The following NEBL variants were observed in gnomAD, a reference collection of about 807,000 sequenced individuals.
The protein encoded by NEBL is nebulette.
A neutral mutation model predicts 140.2 loss-of-function variants in NEBL; 122 were observed. The ratio of observed to expected loss-of-function variants is 0.87; its 90% confidence interval spans 0.75 to 1.01. NEBL has a LOEUF of 1.01. NEBL is among the 50% of genes least tolerant of loss of function. The probability of loss-of-function intolerance (pLI) is 0.00; values close to 1 mark genes in which losing one functional copy is unlikely to be tolerated. For missense variants in NEBL, 1,365 were observed against 1,231.3 expected (o/e 1.11, Z -1.62); for synonymous variants, 436 against 398.9 (o/e 1.09, Z -1.11).
rs562047739 is a variant in NEBL, at chr10:21,063,515, C to G, written c.165-43314G>C. On this transcript the variant is annotated intron_variant, in intron 2 of 6. Transcript: ENST00000417816. ...TCCATGGAAACATGACAGAAATCAC[C>G]CAAGTTTTCTATTCACATGTAGCAA... 8.2e-4 allele frequency among the ~76,000 whole-genome samples: 125 copies of G among 152,254 alleles called. 1 individual carries two copies. The highest frequency in any genetic ancestry group is 3.4e-3 in the Middle Eastern group (1 of 294).
intron 1 of NEBL, among the ~76,000 whole-genome samples, chr10:21,282,253 C>A (rs1408930303): frequency 6.6e-6 from 1 of 152,210 alleles, no homozygotes; most frequent in African/African-American, 2.4e-5. Flanking sequence ...GATGAGCTCT[C>A]TGCGGGGGTA....
intron 4 of NEBL, among the ~76,000 whole-genome samples, chr10:20,909,034 G>T (rs943911215): frequency 1.3e-5 from 2 of 151,746 alleles, no homozygotes; most frequent in South Asian, 2.1e-4. Context: ...TACACAGTAG[G>T]TATATATATT....
At chr10:20,998,615 T>C (rs1564475027) in intron 3 of NEBL, among the ~76,000 whole-genome samples, 1 of 152,042 alleles carries the variant, frequency 6.6e-6, no homozygotes, top group Non-Finnish European at 1.5e-5. Flanking sequence ...ATCTCATACT[T>C]AACATCAGAA....
upstream of NEBL, among the ~76,000 whole-genome samples, chr10:21,175,307 G>A (rs1841272546): frequency 6.6e-6 from 1 of 152,198 alleles, no homozygotes; most frequent in African/African-American, 2.4e-5. Context: ...CCTGCTGTGA[G>A]GATTAAATGA....
At chr10:21,278,509 T>C (rs1407723044) in intron 1 of NEBL, among the ~76,000 whole-genome samples, 2 of 152,164 alleles carry the variant, frequency 1.3e-5, no homozygotes, top group African/African-American at 4.8e-5. Context: ...CCATAACTGC[T>C]AGGGCTGGGA....
intron 3 of NEBL, among the ~76,000 whole-genome samples, chr10:21,234,396 A>G (rs10828224): frequency 0.36 from 53,966 of 151,554 alleles, 11,767 homozygotes; most frequent in African/African-American, 0.62. Context: ...TCTCTCATGC[A>G]CCCTCTCTCT....
At chr10:21,256,572 T>C (rs895159440) in intron 1 of NEBL, among the ~76,000 whole-genome samples, 13 of 152,204 alleles carry the variant, frequency 8.5e-5, no homozygotes, top group Non-Finnish European at 1.5e-5. Context: ...AGCTCATGCC[T>C]GTAATCCCAG....
At chr10:21,237,843 G>A (rs955430662) in intron 3 of NEBL, among the ~76,000 whole-genome samples, 1 of 152,070 alleles carries the variant, frequency 6.6e-6, no homozygotes, top group African/African-American at 2.4e-5. Flanking sequence ...CTGACCTCAG[G>A]TGATCCACCC....
chr10:20,804,430 G>A (rs889205824), intron 26 of NEBL: 4 of 152,044 alleles, frequency 2.6e-5, no homozygotes, highest in African/African-American at 9.7e-5. Context: ...CTACACAAAG[G>A]TTCACATGAC....
chr10:21,169,594 C>A (rs927711931), intron 2 of NEBL, among the ~76,000 whole-genome samples: 1 of 152,144 alleles, frequency 6.6e-6, no homozygotes, highest in African/African-American at 2.4e-5. Context: ...AGCCCAGAAC[C>A]CTCTTAGCAG....
chr10:21,186,818 G>T (rs988766929), intron 3 of NEBL, among the ~76,000 whole-genome samples: 1 of 151,894 alleles, frequency 6.6e-6, no homozygotes, highest in Non-Finnish European at 1.5e-5. Context: ...GTAATAAAAC[G>T]TAAAAGCCAC....
At chr10:20,900,844 C>A (rs557730980), upstream of NEBL, among the ~76,000 whole-genome samples, 186 of 65,040 alleles carry the variant, frequency 2.9e-3, 1 homozygote, top group African/African-American at 7.8e-3. Context: ...GACTCCATCC[C>A]GAAAAAAAAA....
At chr10:20,889,814 C>G in intron 3 of NEBL, 31 bp downstream of exon 3, 1 of 1,321,088 alleles carries the variant, frequency 7.6e-7, no homozygotes, top group Non-Finnish European at 1.1e-6. Flanking sequence ...AAGATAAATG[C>G]AAGCCAGTTT....
chr10:20,982,798 G>T (rs573886963), intron 3 of NEBL, among the ~76,000 whole-genome samples: 1 of 152,004 alleles, frequency 6.6e-6, no homozygotes, highest in Non-Finnish European at 1.5e-5. Flanking sequence ...CCATAGTGTT[G>T]TTTAGTAATG....
chr10:21,277,752 T>G (rs1459220765), intron 1 of NEBL, among the ~76,000 whole-genome samples: 1 of 152,246 alleles, frequency 6.6e-6, no homozygotes, highest in Non-Finnish European at 1.5e-5. Flanking sequence ...CCTTTCCATG[T>G]TAACATAGTC....
chr10:20,937,343 A>C (rs1589040400), intron 4 of NEBL, among the ~76,000 whole-genome samples: 1 of 152,270 alleles, frequency 6.6e-6, no homozygotes, highest in East Asian at 1.9e-4. Flanking sequence ...TCCCAACTTA[A>C]AATAAGCATC....
intron 2 of NEBL, among the ~76,000 whole-genome samples, chr10:21,121,048 C>T (rs1372060976): frequency 6.6e-6 from 1 of 152,142 alleles, no homozygotes; most frequent in African/African-American, 2.4e-5. Context: ...GAAAACATCA[C>T]ACTGGGAACA....
At chr10:21,038,934 GT>G (rs1249896622) in intron 2 of NEBL, among the ~76,000 whole-genome samples, 3 of 152,074 alleles carry the variant, frequency 2.0e-5, no homozygotes, top group Non-Finnish European at 2.9e-5. Context: ...TCTCATTGTG[GT>G]TTTGATTTGC....
chr10:20,915,850 G>A (rs1439615951), intron 4 of NEBL, among the ~76,000 whole-genome samples: 2 of 152,158 alleles, frequency 1.3e-5, no homozygotes, highest in Non-Finnish European at 2.9e-5. Context: ...CCCAAGGGCA[G>A]GCTCTGAAAT....
Sources: gnomAD v4.1 joint callset for allele counts (sites outside exome capture counted in the v4.1 genomes callset) on GRCh38, gnomAD v4.1.1 for gene constraint, MANE v1.5 for transcripts, NCBI Gene and HGNC (gene_info 2026-07-23, HGNC 2026-07-21) for gene names.